The following SSX2IP variants were observed in gnomAD, a reference collection of about 807,000 sequenced individuals.
SSX2IP encodes the protein SSX family member 2 interacting protein.
A neutral mutation model predicts 84.9 loss-of-function variants in SSX2IP; 55 were observed. That is an observed-to-expected ratio of 0.65 (90% confidence interval 0.52 to 0.81). SSX2IP has a LOEUF of 0.81. SSX2IP is among the 30% of genes least tolerant of loss of function. The pLI is 0.00. For missense variants in SSX2IP, 664 were observed against 705.2 expected, an observed-to-expected ratio of 0.94 and a Z score of 0.66; for synonymous variants, 239 against 234.7, an observed-to-expected ratio of 1.02 and a Z score of -0.17.
intron 11 of SSX2IP, among the ~76,000 whole-genome samples, chr1:84,655,012 C>CA (rs1271212859): frequency 6.7e-6 from 1 of 149,718 alleles, no homozygotes; most frequent in Non-Finnish European, 1.5e-5. Context: ...TTCCTTAAAG[C>CA]AAAAAAAAGG....
chr1:84,652,193 T>C (rs1204973400), intron 11 of SSX2IP, 196 bp from the exon 12 acceptor site: 3 of 500,074 alleles, frequency 6.0e-6, no homozygotes, highest in East Asian at 3.3e-5. Context: ...AGGCTGAGGG[T>C]TGGTGGAGCA....
chr1:84,664,007 C>T (rs1171778440), intron 6 of SSX2IP, among the ~76,000 whole-genome samples: 1 of 152,128 alleles, frequency 6.6e-6, no homozygotes, highest in Non-Finnish European at 1.5e-5. Context: ...TACAGCTAAA[C>T]TTATTTAAAG....
intron 1 of SSX2IP, among the ~76,000 whole-genome samples, chr1:84,675,766 C>G (rs931469952): frequency 1.3e-5 from 2 of 152,154 alleles, no homozygotes; most frequent in Non-Finnish European, 2.9e-5. Context: ...GTGGCTATTC[C>G]TCTACTTCCC....
intron 9 of SSX2IP, among the ~76,000 whole-genome samples, chr1:84,657,121 T>TA (rs1231785780): frequency 7.9e-5 from 12 of 152,164 alleles, no homozygotes. Context: ...AATTTTTCTT[T>TA]AAATAGGCTT....
At chr1:84,667,257 C>T (rs929908168) in intron 4 of SSX2IP, among the ~76,000 whole-genome samples, 3 of 152,094 alleles carry the variant, frequency 2.0e-5, no homozygotes, top group Non-Finnish European at 2.9e-5. Flanking sequence ...TGAATCACAT[C>T]GCCATCCTCA....
intron 1 of SSX2IP, among the ~76,000 whole-genome samples, chr1:84,676,719 C>CTTTTTTTTTTTTTTTTTTTTT (rs61017474): frequency 1.0e-5 from 1 of 99,460 alleles, no homozygotes; most frequent in African/African-American, 3.8e-5. Flanking sequence ...TGCTCTTTTC[C>CTTTTTTTTTTTTTTTTTTTTT]TTTTTTTTTT....
intron 8 of SSX2IP, among the ~76,000 whole-genome samples, chr1:84,661,822 T>G (rs953239428): frequency 6.6e-6 from 1 of 152,218 alleles, no homozygotes; most frequent in African/African-American, 2.4e-5. Context: ...GATACTGGGC[T>G]ACTAAATATT....
intron 13 of SSX2IP, chr1:84,650,140 A>G (rs976157929): frequency 2.4e-5 from 15 of 617,944 alleles, no homozygotes; most frequent in Non-Finnish European, 4.3e-5. Flanking sequence ...ATTTACCTCC[A>G]AGAAGACAAC....
chr1:84,660,046 C>T (rs1015267297), intron 8 of SSX2IP, among the ~76,000 whole-genome samples: 2 of 151,958 alleles, frequency 1.3e-5, no homozygotes, highest in Admixed American at 6.6e-5. Flanking sequence ...CCTGAATTTT[C>T]GGTATATGTT....
chr1:84,648,330 A>T (rs1649742711), intron 13 of SSX2IP, among the ~76,000 whole-genome samples: 1 of 152,196 alleles, frequency 6.6e-6, no homozygotes, highest in Admixed American at 6.5e-5. Flanking sequence ...GAATACCTTG[A>T]ATTTCTTTAA....
intron 6 of SSX2IP, 66 bp from the exon 7 acceptor site, chr1:84,662,596 A>C: frequency 6.4e-7 from 1 of 1,554,312 alleles, no homozygotes. Context: ...ACTCTAATGC[A>C]TTCTATACAC....
intron 1 of SSX2IP, among the ~76,000 whole-genome samples, chr1:84,675,752 C>T (rs1261991654): frequency 6.6e-6 from 1 of 152,192 alleles, no homozygotes; most frequent in Non-Finnish European, 1.5e-5. Flanking sequence ...AGACTAAGGT[C>T]TAAGTGGCTA....
At chr1:84,650,275 A>G (rs1260309611) in intron 13 of SSX2IP, 87 bp downstream of exon 13, 2 of 1,320,494 alleles carry the variant, frequency 1.5e-6, no homozygotes, top group Non-Finnish European at 1.1e-6. Context: ...TATTGTTGCT[A>G]ATACTACAGA....
intron 1 of SSX2IP, among the ~76,000 whole-genome samples, chr1:84,681,515 T>C (rs905309957): frequency 8.5e-5 from 13 of 152,230 alleles, no homozygotes; most frequent in African/African-American, 3.1e-4. Context: ...AAATGACACT[T>C]CTTGGGATGG....
At position 84,644,539 on chromosome 1, in the gene SSX2IP, T is replaced by C. The variant is rs1649257158; in HGVS notation, c.*2894A>G. 1 of 152,188 alleles carries C rather than the reference T, an allele frequency of 6.6e-6. No individual in the cohort carries two copies. Among genetic ancestry groups the C allele is most frequent in the African/African-American group, 2.4e-5 (1 of 41,446 alleles). The allele number at this position is 152,188 out of a possible 1,614,324, so 9.4% of individuals were successfully genotyped here. On this transcript the variant is annotated 3_prime_UTR_variant, in exon 14 of 14. Transcript: ENST00000342203. ...ACTTACTTTAAATTCAATCTAGAAATAACATGACTCATATTAGGCAATATA... is the reference window on the plus strand; with the variant it reads ...ACTTACTTTAAATTCAATCTAGAAACAACATGACTCATATTAGGCAATATA...
At chr1:84,656,260 T>C (rs1309252525) in intron 10 of SSX2IP, 88 bp downstream of exon 10, 1 of 1,357,626 alleles carries the variant, frequency 7.4e-7, no homozygotes, top group African/African-American at 1.5e-5. Context: ...ACCAGGGCCT[T>C]ATGAAATAAA....
intron 1 of SSX2IP, among the ~76,000 whole-genome samples, chr1:84,673,829 C>T (rs1653920163): frequency 1.3e-5 from 2 of 152,084 alleles, no homozygotes; most frequent in Non-Finnish European, 2.9e-5. Flanking sequence ...TGTTACATGT[C>T]ATATTACATG....
chr1:84,666,814 C>T (rs921168866), intron 4 of SSX2IP, among the ~76,000 whole-genome samples: 2 of 152,136 alleles, frequency 1.3e-5, no homozygotes, highest in South Asian at 4.1e-4. Context: ...TAGTATGAAA[C>T]AAGATGCTCC....
intron 1 of SSX2IP, among the ~76,000 whole-genome samples, chr1:84,688,370 G>A (rs1307713556): frequency 6.6e-6 from 1 of 152,148 alleles, no homozygotes; most frequent in Non-Finnish European, 1.5e-5. Context: ...GGTGAAACCA[G>A]TAAGGCATAT....
Sources: gnomAD v4.1 joint callset for allele counts (sites outside exome capture counted in the v4.1 genomes callset) on GRCh38, gnomAD v4.1.1 for gene constraint, MANE v1.5 for transcripts, NCBI Gene and HGNC (gene_info 2026-07-23, HGNC 2026-07-21) for gene names.